SRRM3: variants seen among roughly 807,000 people sequenced by gnomAD.
SRRM3 encodes the protein serine/arginine repetitive matrix 3, also known as serine/arginine repetitive matrix protein 3.
Under a neutral mutation model 66.2 loss-of-function variants are expected in SRRM3, and 27 were observed. That is an observed-to-expected ratio of 0.41 (90% CI 0.30 to 0.56). The LOEUF is 0.56. Among genes scored for constraint, SRRM3 ranks in the 20% least tolerant of loss-of-function variants. The pLI is 0.32. For missense variants in SRRM3, 918 were observed against 991.9 expected (o/e 0.93, Z 1.00); for synonymous variants, 391 against 414.9 (o/e 0.94, Z 0.70).
At chr7:76,213,573 C>T (rs1157151755) in intron 1 of SRRM3, among the ~76,000 whole-genome samples, 4 of 152,064 alleles carry the variant, frequency 2.6e-5, no homozygotes, top group African/African-American at 9.7e-5. Context: ...TTCATTGTTG[C>T]AGGTTGTCAG....
Position 76,285,501 on chromosome 7 carries a change from G to A in SRRM3, c.1734-114G>A. 1 of 751,530 alleles carries A rather than the reference G, an allele frequency of 1.3e-6. No individual in the cohort carries two copies. The highest frequency in any genetic ancestry group is 1.9e-5 in the South Asian group (1 of 53,456). The allele number at this position is 751,530 out of a possible 1,614,324, so 46.6% of individuals were successfully genotyped here. On this transcript the variant is annotated intron_variant, in intron 14 of 14. Coordinates refer to ENST00000611745, the MANE Select transcript of SRRM3 (RefSeq NM_001110199.3). This position sits in a 1 kb window ranked among gnomAD's most constrained non-coding sequence, Gnocchi z 4.1. ...GACCGTCAGATTCCATTTGGAGAAG[G>A]CAGGTGTCTCTAAGGCCAGGGCTCA... is the stretch of plus-strand genomic sequence containing the variant.
At chr7:76,225,744 A>T (rs569668478) in intron 1 of SRRM3, among the ~76,000 whole-genome samples, 1 of 152,274 alleles carries the variant, frequency 6.6e-6, no homozygotes, top group East Asian at 1.9e-4. Context: ...ATTAATCTCC[A>T]GTGCCTTTTA....
chr7:76,265,775 T>G (rs1207774148), intron 10 of SRRM3, among the ~76,000 whole-genome samples: 1 of 133,098 alleles, frequency 7.5e-6, no homozygotes, highest in Non-Finnish European at 1.6e-5. Flanking sequence ...TATTTAATAT[T>G]TATATATATT....
At chr7:76,217,700 T>C (rs1583872772) in intron 1 of SRRM3, among the ~76,000 whole-genome samples, 1 of 152,004 alleles carries the variant, frequency 6.6e-6, no homozygotes, top group African/African-American at 2.4e-5. Context: ...GCAGGAGGGG[T>C]CTAGGCAGTA....
At chr7:76,280,116 T>TAAAAAA (rs567656342) in intron 11 of SRRM3, among the ~76,000 whole-genome samples, 2 of 118,404 alleles carry the variant, frequency 1.7e-5, no homozygotes, top group Admixed American at 8.5e-5. Flanking sequence ...AATCAGAACT[T>TAAAAAA]AAAAAAAAAA....
intron 2 of SRRM3, among the ~76,000 whole-genome samples, chr7:76,243,947 G>A (rs1194448480): frequency 6.6e-6 from 1 of 152,174 alleles, no homozygotes; most frequent in Non-Finnish European, 1.5e-5. Flanking sequence ...GCTCTGCACT[G>A]CCCAACTCAC....
intron 1 of SRRM3, among the ~76,000 whole-genome samples, chr7:76,203,749 A>G (rs1260900809): frequency 6.6e-6 from 1 of 151,728 alleles, no homozygotes; most frequent in Non-Finnish European, 1.5e-5. Flanking sequence ...TGACTTTCCC[A>G]AGGTCATGAA....
chr7:76,219,127 C>T (rs147237519), intron 1 of SRRM3, among the ~76,000 whole-genome samples: 4 of 152,278 alleles, frequency 2.6e-5, no homozygotes, highest in Admixed American at 2.0e-4. Flanking sequence ...GGATTACAGG[C>T]GTGAGCCACC....
Position 76,243,445 on chromosome 7 carries a change from T to G in SRRM3, c.234-4743T>G, listed in dbSNP as rs151043928. Among the ~76,000 whole-genome samples, 666 of 152,150 alleles carry G rather than the reference T, an allele frequency of 4.4e-3. 6 individuals are homozygous for G. The highest frequency in any genetic ancestry group is 0.015 in the African/African-American group (634 of 41,508). ...GATACCCTGGGGCACAGAGGGACCCTCCCCAAGCCTCTGAGTTGGTTCAAT... is the reference window on the plus strand; with the variant it reads ...GATACCCTGGGGCACAGAGGGACCCGCCCCAAGCCTCTGAGTTGGTTCAAT... On this transcript the variant is annotated intron_variant, in intron 2 of 14. Coordinates refer to ENST00000611745, the MANE Select transcript of SRRM3 (RefSeq NM_001110199.3).
intron 3 of SRRM3, among the ~76,000 whole-genome samples, chr7:76,258,099 C>G (rs78285668): frequency 1.2e-3 from 190 of 152,250 alleles, no homozygotes; most frequent in African/African-American, 4.4e-3. Context: ...CCCTGCTGAG[C>G]GAAAAGGAGA....
rs146741447 is a variant in SRRM3, at chr7:76,286,952, G to C, written c.*1109G>C. The C allele has an allele frequency of 3.9e-5, 6 of 152,904 alleles. No individual in the cohort carries two copies. Among genetic ancestry groups the C allele is most frequent in the Admixed American group, 1.3e-4 (2 of 15,306 alleles). 9.5% of individuals were successfully genotyped at this position (152,904 alleles called of 1,614,324 possible). ...TGGACCTGACAAGGGAGTACCTTGG[G>C]GGTCTGATGGGGTCATGGCCAGCCG... On this transcript the variant is annotated 3_prime_UTR_variant, in exon 15 of 15. Coordinates refer to ENST00000611745, the MANE Select transcript of SRRM3 (RefSeq NM_001110199.3).
At chr7:76,242,792 T>A (rs1801342083) in intron 2 of SRRM3, among the ~76,000 whole-genome samples, 1 of 152,204 alleles carries the variant, frequency 6.6e-6, no homozygotes, top group South Asian at 2.1e-4. Flanking sequence ...GGGTTCCCAC[T>A]CCTATGAGAA....
At chr7:76,204,961 T>A (rs1800258733) in intron 1 of SRRM3, among the ~76,000 whole-genome samples, 1 of 152,024 alleles carries the variant, frequency 6.6e-6, no homozygotes. Flanking sequence ...TTCTCCCAGC[T>A]CCTTTCTCCT....
Position 76,286,191 on chromosome 7 carries a change from C to T in SRRM3, c.*348C>T, listed in dbSNP as rs1362944180. 1 of 366,498 alleles carries T rather than the reference C, an allele frequency of 2.7e-6. No homozygotes were observed. Among genetic ancestry groups the T allele is most frequent in the East Asian group, 5.9e-5 (1 of 17,004 alleles). 22.7% of individuals were successfully genotyped at this position (366,498 alleles called of 1,614,324 possible). On this transcript the variant is annotated 3_prime_UTR_variant, in exon 15 of 15. Coordinates refer to ENST00000611745, the MANE Select transcript of SRRM3 (RefSeq NM_001110199.3). ...GCTGCCGGTGGATGGTACCAGAGTC[C>T]ATGATCTGCTCTGTCACTTCACCTT...
chr7:76,218,884 C>T (rs1330579368), intron 1 of SRRM3, among the ~76,000 whole-genome samples: 3 of 151,424 alleles, frequency 2.0e-5, no homozygotes, highest in Non-Finnish European at 4.4e-5. Context: ...GACAGAGTGT[C>T]GCTCTTGTTG....
chr7:76,275,414 AG>A (rs1275814223), intron 11 of SRRM3, among the ~76,000 whole-genome samples: 1 of 150,610 alleles, frequency 6.6e-6, no homozygotes, highest in African/African-American at 2.4e-5. Context: ...GCTTGAGCCC[AG>A]GAATTTGAGG....
intron 1 of SRRM3, among the ~76,000 whole-genome samples, chr7:76,219,835 A>T (rs1800665605): frequency 6.6e-6 from 1 of 151,106 alleles, no homozygotes; most frequent in South Asian, 2.1e-4. Context: ...GCTGGAACCC[A>T]GGAGGTGGAG....
At chr7:76,270,815 GAA>G (rs58931153) in intron 11 of SRRM3, among the ~76,000 whole-genome samples, 14 of 135,800 alleles carry the variant, frequency 1.0e-4, no homozygotes, top group African/African-American at 2.4e-4. Context: ...CTCCGTCTCG[GAA>G]AAAAAAAAAA....
chr7:76,251,074 G>A (rs545021239), intron 3 of SRRM3, among the ~76,000 whole-genome samples: 4 of 152,336 alleles, frequency 2.6e-5, no homozygotes, highest in East Asian at 1.9e-4. Flanking sequence ...TTTAATTGGC[G>A]AAAGTGCTGG....
Sources: allele counts gnomAD v4.1 joint callset (sites outside exome capture counted in the v4.1 genomes callset), GRCh38; gene constraint gnomAD v4.1.1; non-coding constraint Gnocchi (gnomAD v3.1); transcripts MANE v1.5; gene names NCBI Gene and HGNC (gene_info 2026-07-23, HGNC 2026-07-21).